Variants in RECQL5 observed in about 807,000 individuals in gnomAD.
The protein encoded by RECQL5 is RecQ like helicase 5.
RECQL5 carries 88 observed loss-of-function variants against 103.4 expected under a neutral mutation model. That is an observed-to-expected ratio of 0.85 (90% CI 0.72 to 1.02). The LOEUF (loss-of-function observed/expected upper bound fraction) is 1.02, where lower values mean the gene tolerates loss of function less well. RECQL5 is among the 50% of genes least tolerant of loss of function. The pLI is 0.00. For synonymous variants in RECQL5, 552 were observed against 507.9 expected, an observed-to-expected ratio of 1.09 and a Z score of -1.17; for missense variants, 1,232 against 1,284.3, an observed-to-expected ratio of 0.96 and a Z score of 0.62.
At chr17:75,666,323 TG>T in intron 2 of RECQL5, 104 bp downstream of exon 2, 1 of 1,320,390 alleles carries the variant, frequency 7.6e-7, no homozygotes, top group Non-Finnish European at 1.0e-6. Context: ...AATCCAGTTA[TG>T]GACCAAAGGT....
rs992951604 is a variant in RECQL5, at chr17:75,629,558, T to G, written c.1948-83A>C. On this transcript the variant is annotated intron_variant, in intron 15 of 19. Transcript: ENST00000317905. ...CGCTGGCTGGAGCAGTAACTCACAT[T>G]GGGACGGGGCTCTCAGGAGTGTGGG... 19 of 1,498,202 alleles carry G rather than the reference T, an allele frequency of 1.3e-5. No homozygotes were observed. In the African/African-American group the frequency reaches 2.4e-4, roughly 19 times the overall value. The allele number at this position is 1,498,202 out of a possible 1,614,324, so 92.8% of individuals were successfully genotyped here. A position where few individuals can be genotyped will look rare whatever the true frequency, so the allele number is the denominator to read the frequency against.
intron 7 of RECQL5, among the ~76,000 whole-genome samples, chr17:75,656,498 T>C (rs1209754608): frequency 6.6e-6 from 1 of 151,744 alleles, no homozygotes; most frequent in Non-Finnish European, 1.5e-5. Flanking sequence ...TAGGTATTTA[T>C]GGTAATGTGG....
At position 75,631,509 on chromosome 17, in the gene RECQL5, C is replaced by A; in HGVS notation, c.1389G>T (p.Gly463=). ...CATACAGCTCGGGGTCAAAGCCGTT[C>A]CCCTGGGAGGGCCCGATGCAGGTCT... ...WSKTCIGPSQ[G]NGFDPELYEG... The change falls in exon 9 of 20, where the codon GGG becomes GGT. Residue 463 remains glycine (G), a synonymous_variant. Transcript: ENST00000317905. 2 of 1,613,266 alleles carry A rather than the reference C, an allele frequency of 1.2e-6. No individual in the cohort carries two copies. The highest frequency in any genetic ancestry group is 1.7e-6 in the Non-Finnish European group (2 of 1,179,950).
At position 75,631,344 on chromosome 17, in the gene RECQL5, G is replaced by A. The variant is rs187394730; in HGVS notation, c.1449-95C>T. 4.1e-4 allele frequency: 621 copies of A among 1,527,816 alleles called. 3 individuals carry two copies. Among genetic ancestry groups the A allele is most frequent in the Middle Eastern group, 2.7e-3 (16 of 5,906 alleles). The allele number at this position is 1,527,816 out of a possible 1,614,324, so 94.6% of individuals were successfully genotyped here. On this transcript the variant is annotated intron_variant, in intron 9 of 19. Coordinates refer to ENST00000317905, the MANE Select transcript of RECQL5 (RefSeq NM_004259.7). The stretch of plus-strand genomic sequence containing the variant: ...CGGCAATGTCCCTGATGTCCTACCA[G>A]CTCAAGGGGGGATTGCGGCATCGTG...
At chr17:75,650,428 G>A (rs554817466) in intron 8 of RECQL5, 14 of 1,321,952 alleles carry the variant, frequency 1.1e-5, no homozygotes, top group South Asian at 2.1e-5. Context: ...AAATGAGGAC[G>A]CCACTGAAAA....
intron 4 of RECQL5, among the ~76,000 whole-genome samples, 176 bp from the exon 5 acceptor site, chr17:75,661,884 G>T (rs117169220): frequency 0.01 from 1,548 of 152,360 alleles, 12 homozygotes; most frequent in Non-Finnish European, 0.017. Context: ...GACCAGGCTG[G>T]ATGCAATGGT....
In RECQL5 at chr17:75,628,959, C is replaced by G; in HGVS notation, c.2464G>C (p.Glu822Gln). ...GGHSPAPPQT[E>Q]ECLRERPSTC... ...CTTGGCCTCTCCCTGAGGCACTCCT[C>G]AGTCTGGGGAGGGGCAGGCGAATGT... Residue 822 changes from glutamate to glutamine, a missense_variant, in exon 16 of 20, where the codon GAG becomes CAG. Coordinates refer to ENST00000317905, the MANE Select transcript of RECQL5 (RefSeq NM_004259.7). 6.4e-7 allele frequency: 1 copy of G among 1,569,822 alleles called. No individual in the cohort carries two copies. Among genetic ancestry groups the G allele is most frequent in the East Asian group, 2.2e-5 (1 of 44,460 alleles).
intron 2 of RECQL5, 104 bp downstream of exon 2, chr17:75,666,324 G>T: frequency 7.6e-7 from 1 of 1,322,894 alleles, no homozygotes; most frequent in Non-Finnish European, 1.0e-6. Flanking sequence ...ATCCAGTTAT[G>T]GACCAAAGGT....
At chr17:75,645,743 C>A (rs1019755914) in intron 8 of RECQL5, among the ~76,000 whole-genome samples, 1 of 152,250 alleles carries the variant, frequency 6.6e-6, no homozygotes, top group Non-Finnish European at 1.5e-5. Context: ...TGTTCTAAAT[C>A]TGCCTCCATC....
intron 7 of RECQL5, among the ~76,000 whole-genome samples, chr17:75,653,954 G>T (rs2059586402): frequency 6.6e-6 from 1 of 151,736 alleles, no homozygotes; most frequent in Non-Finnish European, 1.5e-5. Flanking sequence ...ACCAGACACT[G>T]ATATCTGAGA....
At chr17:75,641,993 G>A (rs73366194) in intron 8 of RECQL5, among the ~76,000 whole-genome samples, 4,189 of 152,202 alleles carry the variant, frequency 0.028, 186 homozygotes, top group African/African-American at 0.096. Context: ...CACTCAGCTC[G>A]GTGCTGGGCA....
intron 8 of RECQL5, chr17:75,650,696 T>C: frequency 3.7e-6 from 6 of 1,613,936 alleles, no homozygotes; most frequent in Non-Finnish European, 5.1e-6. Flanking sequence ...CTCAGACTCT[T>C]TCCGTGGCCC....
chr17:75,628,879 A>G, intron 16 of RECQL5, 55 bp downstream of exon 16: 3 of 1,584,810 alleles, frequency 1.9e-6, no homozygotes, highest in Non-Finnish European at 2.6e-6. Flanking sequence ...CCAGTGAGCA[A>G]AGGGGATGCT....
chr17:75,643,663 A>G (rs1465141547), intron 8 of RECQL5, among the ~76,000 whole-genome samples: 1 of 152,254 alleles, frequency 6.6e-6, no homozygotes, highest in Non-Finnish European at 1.5e-5. Flanking sequence ...TGTGGGAAAG[A>G]ATAAACAGAA....
rs759549477 is a variant in RECQL5, at chr17:75,667,102, C to T, written c.-73G>A. On this transcript the variant is annotated 5_prime_UTR_variant, in exon 1 of 20. Transcript: ENST00000317905. Reference sequence around the variant, plus strand: ...GCTGCTGGCTGGTTCCGGAACTGTTCGAAGACCCCTATACACAACCCCAAC... The same window carrying T: ...GCTGCTGGCTGGTTCCGGAACTGTTTGAAGACCCCTATACACAACCCCAAC... 5.3e-4 allele frequency: 242 copies of T among 453,828 alleles called. No homozygotes were observed. The highest frequency in any genetic ancestry group is 7.3e-4 in the Non-Finnish European group (187 of 254,724). 28.1% of individuals were successfully genotyped at this position (453,828 alleles called of 1,614,324 possible).
rs1194344601 is a variant in RECQL5 at position 75,640,613 on chromosome 17, T to C, written c.1230-8945A>G. The stretch of plus-strand genomic sequence containing the variant: ...AAGAGAAGACACAACATGGAGGAGG[T>C]TGGCCCTGGCGGCTGGCATGGGGAC... On this transcript the variant is annotated intron_variant, in intron 8 of 19. Coordinates refer to ENST00000317905, the MANE Select transcript of RECQL5 (RefSeq NM_004259.7). The surrounding 1 kb of genome is among the most constrained non-coding windows in gnomAD (Gnocchi z 4.6). Among the ~76,000 whole-genome samples the C allele has an allele frequency of 6.6e-6, 1 of 151,820 alleles. No homozygotes were observed. The highest frequency in any genetic ancestry group is 2.4e-5 in the African/African-American group (1 of 41,300).
chr17:75,631,527 G>A lies in RECQL5; in HGVS notation c.1371C>T (p.Cys457=). Residue 457 remains cysteine, a synonymous_variant, in exon 9 of 20, where the codon TGC becomes TGT. Coordinates refer to ENST00000317905, the MANE Select transcript of RECQL5 (RefSeq NM_004259.7). ...LERSSSWSKT[C]IGPSQGNGFD... The stretch of plus-strand genomic sequence containing the variant: ...AGCCGTTCCCCTGGGAGGGCCCGAT[G>A]CAGGTCTTGCTCCAGCTGCTGCTGC... 1.2e-6 allele frequency: 2 copies of A among 1,613,272 alleles called. No individual in the cohort carries two copies. Among genetic ancestry groups the A allele is most frequent in the Non-Finnish European group, 1.7e-6 (2 of 1,179,986 alleles).
chr17:75,666,380 A>G, intron 2 of RECQL5, 48 bp downstream of exon 2: 1 of 1,605,192 alleles, frequency 6.2e-7, no homozygotes, highest in Admixed American at 1.7e-5. Flanking sequence ...CCGCAGCGTT[A>G]TGGTATAGCC....
At chr17:75,648,240 C>T (rs745536842) in intron 8 of RECQL5, among the ~76,000 whole-genome samples, 26 of 152,138 alleles carry the variant, frequency 1.7e-4, no homozygotes, top group African/African-American at 2.9e-4. Context: ...CTAGTTAGTC[C>T]TTCCTCATCC....
Sources: gnomAD v4.1 joint callset for allele counts (sites outside exome capture counted in the v4.1 genomes callset) on GRCh38, gnomAD v4.1.1 for gene constraint, Gnocchi (gnomAD v3.1) non-coding constraint, MANE v1.5 for transcripts, NCBI Gene and HGNC (gene_info 2026-07-23, HGNC 2026-07-21) for gene names.